The following RFX4 variants were observed in gnomAD, a reference collection of about 807,000 sequenced individuals.
RFX4 encodes the protein transcription factor RFX4.
Under a neutral mutation model 95.0 loss-of-function variants are expected in RFX4, and 10 were observed. The ratio of observed to expected loss-of-function variants is 0.11; its 90% confidence interval spans 0.06 to 0.18. RFX4 has a LOEUF of 0.18. Ranked by LOEUF, RFX4 falls within the 10% of genes least tolerant of loss-of-function variation. RFX4 has a pLI of 1.00. For missense variants in RFX4, 640 were observed against 922.0 expected (o/e 0.69, Z 3.96); for synonymous variants, 321 against 340.7 (o/e 0.94, Z 0.64).
chr12:106,683,456 T>C (rs2041562971), intron 5 of RFX4: 1 of 77,230 alleles, frequency 1.3e-5, no homozygotes, highest in African/African-American at 5.1e-5. Flanking sequence ...TTTTCCAAGA[T>C]GACTATTCTG....
Position 106,761,979 on chromosome 12 carries a change from CTTCCTGGTGGTACCATCCCTAT to C in RFX4, c.*518_*539del, listed in dbSNP as rs1372339309. ...CTCAGACGTGTTCTGCACATCCCTT[CTTCCTGGTGGTACCATCCCTAT>C]TTCCTGGAGCACCAGGGCTAAATGG... On this transcript the variant is annotated 3_prime_UTR_variant, in exon 18 of 18. Transcript: ENST00000392842. 1 of 152,724 alleles carries C rather than the reference CTTCCTGGTGGTACCATCCCTAT, an allele frequency of 6.5e-6. No individual in the cohort carries two copies. The highest frequency in any genetic ancestry group is 2.4e-5 in the African/African-American group (1 of 41,466). The allele number at this position is 152,724 out of a possible 1,614,324, so 9.5% of individuals were successfully genotyped here.
intron 14 of RFX4, among the ~76,000 whole-genome samples, chr12:106,732,486 G>A (rs1262162260): frequency 2.6e-5 from 4 of 152,124 alleles, no homozygotes; most frequent in African/African-American, 9.7e-5. Flanking sequence ...GCTCACTTCA[G>A]ACCAGAGTTC....
intron 7 of RFX4, among the ~76,000 whole-genome samples, chr12:106,692,034 G>A (rs998946218): frequency 6.6e-6 from 1 of 151,934 alleles, no homozygotes; most frequent in African/African-American, 2.4e-5. Context: ...GCGCGTGCCT[G>A]TAGTCCCAGC....
intron 2 of RFX4, among the ~76,000 whole-genome samples, chr12:106,632,850 C>A (rs956305958): frequency 1.3e-5 from 2 of 151,902 alleles, no homozygotes; most frequent in African/African-American, 2.4e-5. Context: ...TCTGGCACTA[C>A]AGGTGCACGC....
chr12:106,617,322 A>G (rs943624949), intron 2 of RFX4, among the ~76,000 whole-genome samples: 1 of 151,864 alleles, frequency 6.6e-6, no homozygotes, highest in Admixed American at 6.6e-5. Flanking sequence ...AGCTTTTGAG[A>G]TAGGTGCTTA....
At chr12:106,728,376 A>G (rs1020813042) in intron 13 of RFX4, among the ~76,000 whole-genome samples, 7 of 151,562 alleles carry the variant, frequency 4.6e-5, no homozygotes, top group Non-Finnish European at 1.0e-4. Context: ...CGCGGTGCAT[A>G]TGGAAGTAGT....
intron 2 of RFX4, among the ~76,000 whole-genome samples, chr12:106,617,857 G>C (rs762925806): frequency 3.3e-5 from 5 of 152,094 alleles, no homozygotes; most frequent in Non-Finnish European, 5.9e-5. Context: ...CTCCCAAGTA[G>C]CTGGGATTAC....
intron 2 of RFX4, among the ~76,000 whole-genome samples, chr12:106,616,810 G>C (rs538989372): frequency 6.6e-6 from 1 of 152,214 alleles, no homozygotes; most frequent in South Asian, 2.1e-4. Flanking sequence ...TCCCAGGCTG[G>C]AGTGCAGTGG....
intron 7 of RFX4, among the ~76,000 whole-genome samples, chr12:106,693,324 T>A (rs2041820785): frequency 1.3e-5 from 2 of 152,202 alleles, no homozygotes; most frequent in Admixed American, 6.5e-5. Flanking sequence ...GCCTTCCCAG[T>A]GCAGCTTGAA....
At chr12:106,635,582 G>C (rs1240867878) in intron 2 of RFX4, among the ~76,000 whole-genome samples, 1 of 152,128 alleles carries the variant, frequency 6.6e-6, no homozygotes, top group Non-Finnish European at 1.5e-5. Context: ...CAAAGTGCTA[G>C]GATTACAGGG....
At chr12:106,685,686 G>C (rs998811409) in intron 5 of RFX4, among the ~76,000 whole-genome samples, 3 of 152,206 alleles carry the variant, frequency 2.0e-5, no homozygotes, top group African/African-American at 7.2e-5. Context: ...CTATCTTGCA[G>C]TGTTTTCAGT....
intron 4 of RFX4, among the ~76,000 whole-genome samples, chr12:106,674,188 A>T (rs756231562): frequency 2.6e-5 from 4 of 152,148 alleles, no homozygotes; most frequent in Non-Finnish European, 4.4e-5. Context: ...GGTCCTTCCC[A>T]TGGGCTATTC....
At chr12:106,666,252 T>A (rs533292346) in intron 4 of RFX4, among the ~76,000 whole-genome samples, 1 of 152,208 alleles carries the variant, frequency 6.6e-6, no homozygotes, top group Admixed American at 6.5e-5. Context: ...GAAGATAGTC[T>A]TGTCTTTGTC....
intron 4 of RFX4, among the ~76,000 whole-genome samples, chr12:106,674,132 G>A (rs953140261): frequency 3.9e-5 from 6 of 152,146 alleles, no homozygotes; most frequent in African/African-American, 1.4e-4. Context: ...CCAGCCACAT[G>A]GGCCTCCTCA....
intron 17 of RFX4, among the ~76,000 whole-genome samples, chr12:106,759,002 C>A (rs760998428): frequency 6.6e-6 from 1 of 152,168 alleles, no homozygotes; most frequent in South Asian, 2.1e-4. Flanking sequence ...GTGCTAGGCA[C>A]CATGCCAGAT....
At chr12:106,637,127 T>C (rs991180793) in intron 2 of RFX4, among the ~76,000 whole-genome samples, 8 of 152,184 alleles carry the variant, frequency 5.3e-5, no homozygotes, top group Non-Finnish European at 1.0e-4. Context: ...ATAAAATTAA[T>C]TACCATGATT....
At chr12:106,659,094 G>C (rs2041020328) in intron 4 of RFX4, among the ~76,000 whole-genome samples, 1 of 152,168 alleles carries the variant, frequency 6.6e-6, no homozygotes, top group African/African-American at 2.4e-5. Context: ...TAGCTTTTGG[G>C]TTATTGATTA....
At chr12:106,722,148 T>A (rs2042408132) in intron 13 of RFX4, among the ~76,000 whole-genome samples, 1 of 152,252 alleles carries the variant, frequency 6.6e-6, no homozygotes, top group African/African-American at 2.4e-5. Context: ...GCACAGTTAG[T>A]GTTAGCACAT....
chr12:106,761,129 G>A (rs1273854157), intron 17 of RFX4, 68 bp from the exon 18 acceptor site: 1 of 1,488,584 alleles, frequency 6.7e-7, no homozygotes, highest in African/African-American at 1.4e-5. Flanking sequence ...CTATAAACAT[G>A]ACTGATATTG....
Sources: gnomAD v4.1 joint callset for allele counts (sites outside exome capture counted in the v4.1 genomes callset) on GRCh38, gnomAD v4.1.1 for gene constraint, MANE v1.5 for transcripts, NCBI Gene and HGNC (gene_info 2026-07-23, HGNC 2026-07-21) for gene names.